PALLD: variants seen among roughly 807,000 people sequenced by gnomAD.
PALLD encodes palladin, cytoskeletal associated protein, also known as palladin.
Under a neutral mutation model 123.5 loss-of-function variants are expected in PALLD, and 61 were observed. That is an observed-to-expected ratio of 0.49 (90% CI 0.40 to 0.61). PALLD has a LOEUF of 0.61. Ranked by LOEUF, PALLD falls within the 20% of genes least tolerant of loss-of-function variation. The pLI, the probability that PALLD is intolerant of heterozygous loss-of-function variation, is 0.00. For missense variants in PALLD, 1,273 were observed against 1,377.0 expected, an observed-to-expected ratio of 0.92 and a Z score of 1.20; for synonymous variants, 465 against 496.4, an observed-to-expected ratio of 0.94 and a Z score of 0.84.
At chr4:168,724,316 C>T (rs960839319) in intron 10 of PALLD, among the ~76,000 whole-genome samples, 6 of 151,866 alleles carry the variant, frequency 4.0e-5, no homozygotes, top group Non-Finnish European at 7.4e-5. Context: ...ATTTTTTTAC[C>T]ATTGATTTAT....
chr4:168,564,122 A>G (rs1768127226), intron 2 of PALLD, among the ~76,000 whole-genome samples: 1 of 152,202 alleles, frequency 6.6e-6, no homozygotes, highest in Non-Finnish European at 1.5e-5. Context: ...GCTGTCCTTT[A>G]CTATGACATT....
chr4:168,666,203 T>C (rs1009360820), intron 2 of PALLD, among the ~76,000 whole-genome samples: 1 of 152,208 alleles, frequency 6.6e-6, no homozygotes, highest in Non-Finnish European at 1.5e-5. Flanking sequence ...GGAGTACATC[T>C]AACCAAAAGA....
rs1273268505 is a variant in PALLD at position 168,735,522 on chromosome 4, C to T, written c.1964+23599C>T. ...TTTTCTTCGTCTCACTGTTTCTTGACGGTTATGTTGCAACCTGAGGCAGAG... is the reference window on the plus strand; with the variant it reads ...TTTTCTTCGTCTCACTGTTTCTTGATGGTTATGTTGCAACCTGAGGCAGAG... On this transcript the variant is annotated intron_variant, in intron 10 of 21. Coordinates refer to ENST00000505667, the MANE Select transcript of PALLD (RefSeq NM_001166108.2). 6.6e-5 allele frequency among the ~76,000 whole-genome samples: 10 copies of T among 152,218 alleles called. No individual in the cohort carries two copies. In the East Asian group the frequency reaches 1.2e-3, roughly 18 times the overall value.
chr4:168,580,426 T>TA (rs1273584480), intron 2 of PALLD, among the ~76,000 whole-genome samples: 4 of 152,060 alleles, frequency 2.6e-5, no homozygotes, highest in African/African-American at 9.7e-5. Flanking sequence ...CACAGTGAGA[T>TA]ACCGTCTCAC....
At chr4:168,520,184 G>A (rs2149450507) in intron 2 of PALLD, among the ~76,000 whole-genome samples, 1 of 152,062 alleles carries the variant, frequency 6.6e-6, no homozygotes, top group Admixed American at 6.5e-5. Context: ...AAATTAGCCG[G>A]GCGTGGTGGC....
At chr4:168,744,705 A>T (rs1347668814) in intron 10 of PALLD, among the ~76,000 whole-genome samples, 1 of 152,220 alleles carries the variant, frequency 6.6e-6, no homozygotes, top group Non-Finnish European at 1.5e-5. Context: ...CAACTTTATG[A>T]TGGAGTGAAA....
intron 6 of PALLD, among the ~76,000 whole-genome samples, chr4:168,687,407 G>A (rs1231621058): frequency 6.6e-6 from 1 of 152,198 alleles, no homozygotes; most frequent in African/African-American, 2.4e-5. Flanking sequence ...TGTTTACAGA[G>A]GGGTGGACAC....
At chr4:168,606,663 C>CA (rs70961540) in intron 2 of PALLD, among the ~76,000 whole-genome samples, 10,766 of 91,850 alleles carry the variant, frequency 0.12, 656 homozygotes, top group African/African-American at 0.18. Flanking sequence ...GACTCCGTCT[C>CA]AAAAAAAAAA....
intron 3 of PALLD, 86 bp downstream of exon 3, chr4:168,668,454 C>T: frequency 9.2e-7 from 1 of 1,092,574 alleles, no homozygotes; most frequent in Non-Finnish European, 1.3e-6. Flanking sequence ...ATGTGCCTTT[C>T]CAATGCAAAT....
chr4:168,613,346 G>A (rs1280189127), intron 2 of PALLD, among the ~76,000 whole-genome samples: 3 of 152,160 alleles, frequency 2.0e-5, no homozygotes, highest in African/African-American at 2.4e-5. Flanking sequence ...CTTGACTGAG[G>A]TGTATGTATT....
chr4:168,924,253 A>C lies in PALLD; in HGVS notation c.3059-2A>C. 1.2e-6 allele frequency: 2 copies of C among 1,613,280 alleles called. No individual in the cohort carries two copies. The highest frequency in any genetic ancestry group is 1.7e-6 in the Non-Finnish European group (2 of 1,179,286). ...TAGAGAATTCATCTCATGTTTTCTT[A>C]GCTAAAGAAGCACACAAACCCCCTG... On this transcript the variant is annotated splice_acceptor_variant, in intron 18 of 21. Transcript: ENST00000505667. LOFTEE classifies it high-confidence loss of function.
In PALLD at chr4:168,593,304, G is replaced by A. The variant is rs530963961; in HGVS notation, c.909-74886G>A. ...ATTCTTTCGAATATCATGGGCTCCA[G>A]CTTCTCTCTGCTGGATCTGTTCTGA... On this transcript the variant is annotated intron_variant, in intron 2 of 21. Transcript: ENST00000505667. Among the ~76,000 whole-genome samples the A allele has an allele frequency of 7.2e-5, 11 of 152,128 alleles. No homozygotes were observed. In the East Asian group the frequency reaches 2.1e-3, roughly 29 times the overall value.
At chr4:168,675,427 A>G (rs1056286039) in intron 3 of PALLD, among the ~76,000 whole-genome samples, 2 of 152,228 alleles carry the variant, frequency 1.3e-5, no homozygotes, top group Non-Finnish European at 2.9e-5. Flanking sequence ...TGTTCCTGGT[A>G]ATCACATAGG....
At chr4:168,567,239 C>T (rs1561255040) in intron 2 of PALLD, among the ~76,000 whole-genome samples, 1 of 151,870 alleles carries the variant, frequency 6.6e-6, no homozygotes, top group Non-Finnish European at 1.5e-5. Flanking sequence ...AACAGACAAC[C>T]TACAGAATGG....
chr4:168,864,076 A>G (rs1366152425), intron 10 of PALLD: 1 of 152,216 alleles, frequency 6.6e-6, no homozygotes, highest in African/African-American at 2.4e-5. Flanking sequence ...TAAGCTTGAA[A>G]ATATACATGA....
chr4:168,870,094 T>A (rs143836309), intron 10 of PALLD, among the ~76,000 whole-genome samples: 7 of 152,288 alleles, frequency 4.6e-5, no homozygotes, highest in Non-Finnish European at 5.9e-5. Context: ...CACAACCCTA[T>A]CTTCATATTT....
At chr4:168,629,599 G>A (rs555539970) in intron 2 of PALLD, among the ~76,000 whole-genome samples, 1 of 152,292 alleles carries the variant, frequency 6.6e-6, no homozygotes, top group African/African-American at 2.4e-5. Flanking sequence ...AGGGCTCAGG[G>A]GAATCTGCAT....
At chr4:168,780,979 C>T (rs1443187659) in intron 10 of PALLD, among the ~76,000 whole-genome samples, 15 of 152,182 alleles carry the variant, frequency 9.9e-5, no homozygotes, top group African/African-American at 3.6e-4. Context: ...TGAGCCACTG[C>T]ACCCGGCCAT....
intron 3 of PALLD, among the ~76,000 whole-genome samples, chr4:168,670,750 A>AAAAAAC (rs1780149867): frequency 1.0e-5 from 1 of 98,612 alleles, no homozygotes; most frequent in Non-Finnish European, 1.9e-5. Context: ...AAAAAAACAA[A>AAAAAAC]AAAAACAAAA....
Sources: gnomAD v4.1 joint callset for allele counts (sites outside exome capture counted in the v4.1 genomes callset) on GRCh38, gnomAD v4.1.1 for gene constraint, MANE v1.5 for transcripts, NCBI Gene and HGNC (gene_info 2026-07-23, HGNC 2026-07-21) for gene names.